PTPRQ: variants seen among roughly 807,000 people sequenced by gnomAD.
PTPRQ encodes phosphatidylinositol phosphatase PTPRQ.
Under a neutral mutation model 246.0 loss-of-function variants are expected in PTPRQ, and 199 were observed. The observed-to-expected ratio is 0.81, with a 90% confidence interval of 0.72 to 0.91. The LOEUF (loss-of-function observed/expected upper bound fraction) is 0.91, where lower values mean the gene tolerates loss of function less well. Among genes scored for constraint, PTPRQ ranks in the 40% least tolerant of loss-of-function variants. PTPRQ has a pLI of 0.00. For synonymous variants in PTPRQ, 869 were observed against 853.2 expected (o/e 1.02, Z -0.32); for missense variants, 2,624 against 2,528.4 (o/e 1.04, Z -0.81).
chr12:80,481,480 C>T (rs1392083590), intron 8 of PTPRQ, among the ~76,000 whole-genome samples: 13 of 152,162 alleles, frequency 8.5e-5, no homozygotes, highest in East Asian at 3.9e-4. Context: ...AGGGATGCCC[C>T]CTCTCACCAC....
chr12:80,496,442 C>T lies in PTPRQ; in HGVS notation c.2183C>T (p.Thr728Ile). The change falls in exon 14 of 45, where the codon ACC becomes ATC. Residue 728 changes from threonine to isoleucine, a missense_variant. Thr to Ile is a moderately conservative substitution (Grantham distance 89, BLOSUM62 -1). Coordinates refer to ENST00000644991, the MANE Select transcript of PTPRQ (RefSeq NM_001145026.2). ...DIILRNLRPH[T>I]LYNISVRSYT... The stretch of plus-strand genomic sequence containing the variant: ...ATATTAAGGAACTTAAGACCTCACA[C>T]CCTCTATAACATTTCTGTAAGGTCT... The T allele has an allele frequency of 6.4e-7, 1 of 1,550,714 alleles. No homozygotes were observed.
chr12:80,604,492 G>T (rs867881076), intron 26 of PTPRQ, among the ~76,000 whole-genome samples: 1 of 151,526 alleles, frequency 6.6e-6, no homozygotes, highest in South Asian at 2.1e-4. Context: ...GAGTCATAAG[G>T]AATTCAAGAA....
chr12:80,661,520 T>C (rs1900630503), intron 39 of PTPRQ, among the ~76,000 whole-genome samples: 1 of 151,546 alleles, frequency 6.6e-6, no homozygotes, highest in Non-Finnish European at 1.5e-5. Flanking sequence ...TATACATATA[T>C]GTGTATATGT....
intron 26 of PTPRQ, among the ~76,000 whole-genome samples, chr12:80,592,519 A>C (rs1006145574): frequency 3.9e-5 from 6 of 152,154 alleles, no homozygotes; most frequent in African/African-American, 9.7e-5. Context: ...TGGTGAAATA[A>C]CATAAGAATA....
Position 80,602,073 on chromosome 12 carries a change from A to G in PTPRQ, c.4610-2986A>G, listed in dbSNP as rs73150752. 4.2e-3 allele frequency among the ~76,000 whole-genome samples: 639 copies of G among 151,820 alleles called. 1 individual carries two copies. The highest frequency in any genetic ancestry group is 7.4e-3 in the Non-Finnish European group (500 of 67,776). On this transcript the variant is annotated intron_variant, in intron 26 of 44. Transcript: ENST00000644991. ...CTCTCCCCTGGATGTTTTCTTGGCA[A>G]TGTAAAACTGGATCTTTGAGTACGG...
At chr12:80,664,508 GCAT>G (rs1231803585) in intron 39 of PTPRQ, among the ~76,000 whole-genome samples, 1 of 151,846 alleles carries the variant, frequency 6.6e-6, no homozygotes, top group Non-Finnish European at 1.5e-5. Context: ...TCTCCCTTCT[GCAT>G]CATCATTTTT....
intron 35 of PTPRQ, among the ~76,000 whole-genome samples, chr12:80,641,412 C>T (rs1899850254): frequency 6.6e-6 from 1 of 152,136 alleles, no homozygotes. Context: ...TCTTCATGAG[C>T]TATAAGGCTG....
chr12:80,659,634 G>A (rs1372917808), intron 39 of PTPRQ, among the ~76,000 whole-genome samples: 8 of 151,918 alleles, frequency 5.3e-5, no homozygotes, highest in Admixed American at 6.6e-5. Flanking sequence ...AGTAATTTTC[G>A]CAAACCCCCA....
intron 33 of PTPRQ, among the ~76,000 whole-genome samples, chr12:80,624,692 C>G (rs142157429): frequency 6.6e-6 from 1 of 152,138 alleles, no homozygotes; most frequent in Non-Finnish European, 1.5e-5. Flanking sequence ...TATTGAGTGT[C>G]GTGGTTCTAT....
intron 25 of PTPRQ, among the ~76,000 whole-genome samples, chr12:80,582,408 G>T (rs1448814808): frequency 1.3e-5 from 2 of 152,166 alleles, no homozygotes; most frequent in Non-Finnish European, 2.9e-5. Context: ...AGAATCATAT[G>T]TTGTAGTCCT....
At chr12:80,552,638 A>G (rs1302248486) in intron 25 of PTPRQ, among the ~76,000 whole-genome samples, 1 of 103,908 alleles carries the variant, frequency 9.6e-6, no homozygotes, top group African/African-American at 3.6e-5. Context: ...TTTGTAAAAA[A>G]AAAAAATTAT....
At chr12:80,468,602 C>T (rs770498714) in intron 6 of PTPRQ, 108 bp from the exon 7 acceptor site, 277 of 1,160,882 alleles carry the variant, frequency 2.4e-4, no homozygotes, top group Non-Finnish European at 3.0e-4. Context: ...CTTTTAAGCG[C>T]GATATTTTAT....
chr12:80,573,829 G>A (rs1368085588), intron 25 of PTPRQ, among the ~76,000 whole-genome samples: 1 of 151,852 alleles, frequency 6.6e-6, no homozygotes, highest in East Asian at 1.9e-4. Context: ...TATTGTTTTT[G>A]TGCTTTCCAT....
At chr12:80,619,177 C>G (rs927931677) in intron 30 of PTPRQ, among the ~76,000 whole-genome samples, 1 of 151,514 alleles carries the variant, frequency 6.6e-6, no homozygotes, top group Admixed American at 6.6e-5. Flanking sequence ...GCTCTATTAT[C>G]TCAGGGAAGT....
Position 80,460,849 on chromosome 12 carries a change from C to T in PTPRQ, c.857C>T (p.Ala286Val), listed in dbSNP as rs4482094. Residue 286 changes from alanine to valine, a missense_variant, in exon 6 of 45, where the codon GCT becomes GTT. Transcript: ENST00000644991. Reference sequence around the variant, plus strand: ...ACATATCTTTTTGAAGTTTCAGCTGCTACAACTGAAGCAGGTTATATTGAT... The same window carrying T: ...ACATATCTTTTTGAAGTTTCAGCTGTTACAACTGAAGCAGGTTATATTGAT... ...YTTYLFEVSA[A>V]TTEAGYIDST... 0.88 allele frequency: 351,544 copies of T among 400,612 alleles called. 156,004 individuals carry two copies. The highest frequency in any genetic ancestry group is 0.92 in the Non-Finnish European group (207,575 of 226,208). 24.8% of individuals were successfully genotyped at this position (400,612 alleles called of 1,614,324 possible). A position where few individuals can be genotyped will look rare whatever the true frequency, so the allele number is the denominator to read the frequency against.
intron 35 of PTPRQ, among the ~76,000 whole-genome samples, chr12:80,647,148 C>A (rs1255117426): frequency 6.6e-6 from 1 of 152,134 alleles, no homozygotes; most frequent in African/African-American, 2.4e-5. Flanking sequence ...AAAAAGGAAT[C>A]TCTCTGCGAT....
At chr12:80,468,911 G>C in intron 7 of PTPRQ, 73 bp downstream of exon 7, 1 of 1,495,896 alleles carries the variant, frequency 6.7e-7, no homozygotes, top group Non-Finnish European at 8.9e-7. Context: ...ATCAAACTCT[G>C]TTTAAAAGTA....
At chr12:80,559,897 A>T (rs1205444678) in intron 25 of PTPRQ, among the ~76,000 whole-genome samples, 1 of 152,172 alleles carries the variant, frequency 6.6e-6, no homozygotes, top group Non-Finnish European at 1.5e-5. Context: ...ATAAATGTAC[A>T]CTTAACTTCC....
chr12:80,648,970 A>G, intron 36 of PTPRQ, 47 bp downstream of exon 36: 1 of 1,480,736 alleles, frequency 6.8e-7, no homozygotes, highest in Non-Finnish European at 9.0e-7. Context: ...TATCAAAGTT[A>G]GATGCACTGA....
Sources: allele counts gnomAD v4.1 joint callset (sites outside exome capture counted in the v4.1 genomes callset), GRCh38; gene constraint gnomAD v4.1.1; transcripts MANE v1.5; gene names NCBI Gene and HGNC (gene_info 2026-07-23, HGNC 2026-07-21).